The following GALNT2 variants were observed in gnomAD, a reference collection of about 807,000 sequenced individuals.
The protein encoded by GALNT2 is UDP-GalNAc:polypeptide N-acetylgalactosaminyltransferase 2.
A neutral mutation model predicts 81.4 loss-of-function variants in GALNT2; 31 were observed. The ratio of observed to expected loss-of-function variants is 0.38; its 90% CI spans 0.29 to 0.51. The LOEUF (loss-of-function observed/expected upper bound fraction) is 0.51. GALNT2 is among the 20% of genes least tolerant of loss of function. The pLI is 0.87. For missense variants in GALNT2, 629 were observed against 765.7 expected, an observed-to-expected ratio of 0.82 and a Z score of 2.11; for synonymous variants, 303 against 287.4, an observed-to-expected ratio of 1.05 and a Z score of -0.55.
At chr1:230,200,352 T>C (rs1237930080) in intron 2 of GALNT2, among the ~76,000 whole-genome samples, 1 of 152,184 alleles carries the variant, frequency 6.6e-6, no homozygotes, top group South Asian at 2.1e-4. Context: ...CGTGAGCCAG[T>C]GCGCCCGGCC....
rs114554096 is a variant in GALNT2, at chr1:230,218,163, G to T, written c.374+14873G>T. Among the ~76,000 whole-genome samples the T allele has an allele frequency of 2.8e-3, 420 of 152,348 alleles. 4 individuals carry two copies. The highest frequency in any genetic ancestry group is 9.8e-3 in the African/African-American group (407 of 41,582). On this transcript the variant is annotated intron_variant, in intron 3 of 15. Coordinates refer to ENST00000366672, the MANE Select transcript of GALNT2 (RefSeq NM_004481.5). Reference sequence around the variant, plus strand: ...ACAGGGGACTAACAATGGAGGTGGTGAGAGGTGGTTGGATTCTGGATGCCT... The same window carrying T: ...ACAGGGGACTAACAATGGAGGTGGTTAGAGGTGGTTGGATTCTGGATGCCT...
intron 1 of GALNT2, among the ~76,000 whole-genome samples, chr1:230,173,990 T>C (rs921631428): frequency 6.6e-6 from 1 of 152,150 alleles, no homozygotes; most frequent in African/African-American, 2.4e-5. Context: ...AGAAGGAATA[T>C]GACAGCTTTC....
At chr1:230,234,201 T>C (rs1035461276) in intron 3 of GALNT2, among the ~76,000 whole-genome samples, 14 of 151,972 alleles carry the variant, frequency 9.2e-5, no homozygotes, top group African/African-American at 3.1e-4. Context: ...CAATTGCACA[T>C]CTTCTGGATG....
intron 1 of GALNT2, among the ~76,000 whole-genome samples, chr1:230,060,387 C>T (rs1355875536): frequency 1.3e-5 from 2 of 152,278 alleles, no homozygotes; most frequent in African/African-American, 4.8e-5. Context: ...AATACAAAAA[C>T]CATGATGCTG....
chr1:230,249,742 C>T (rs1665485122), intron 9 of GALNT2, among the ~76,000 whole-genome samples: 1 of 152,180 alleles, frequency 6.6e-6, no homozygotes, highest in South Asian at 2.1e-4. Context: ...GATGCCTTCT[C>T]TAGCTGGGGA....
At chr1:230,065,244 T>A (rs1374988965), upstream of GALNT2, among the ~76,000 whole-genome samples, 1 of 152,220 alleles carries the variant, frequency 6.6e-6, no homozygotes, top group Non-Finnish European at 1.5e-5. Flanking sequence ...TTCTTCAGTG[T>A]CCTTTTACAT....
chr1:230,136,579 T>A (rs1572005210), intron 1 of GALNT2, among the ~76,000 whole-genome samples: 1 of 152,228 alleles, frequency 6.6e-6, no homozygotes, highest in African/African-American at 2.4e-5. Flanking sequence ...CCAGCCCTAA[T>A]GAGGGAGGCG....
At chr1:230,059,578 G>A (rs1658995285) in intron 1 of GALNT2, among the ~76,000 whole-genome samples, 1 of 152,152 alleles carries the variant, frequency 6.6e-6, no homozygotes, top group Non-Finnish European at 1.5e-5. Context: ...TAGACGCTTG[G>A]GCTGTGGGGT....
intron 1 of GALNT2, among the ~76,000 whole-genome samples, chr1:230,141,681 A>G (rs1448106418): frequency 6.6e-6 from 1 of 151,764 alleles, no homozygotes; most frequent in Non-Finnish European, 1.5e-5. Flanking sequence ...TTGTTGATCT[A>G]GTCACCCATT....
intron 1 of GALNT2, among the ~76,000 whole-genome samples, chr1:230,147,245 T>A (rs943473025): frequency 1.3e-5 from 2 of 152,244 alleles, no homozygotes; most frequent in Non-Finnish European, 2.9e-5. Context: ...TTCCAAGATG[T>A]TGTCCCTGGA....
chr1:230,234,665 G>T (rs1664969805), intron 3 of GALNT2, among the ~76,000 whole-genome samples: 1 of 152,162 alleles, frequency 6.6e-6, no homozygotes, highest in Admixed American at 6.5e-5. Flanking sequence ...TACCAATTTA[G>T]TAACTCTGAA....
At chr1:230,143,362 G>C (rs957909838) in intron 1 of GALNT2, among the ~76,000 whole-genome samples, 5 of 152,226 alleles carry the variant, frequency 3.3e-5, no homozygotes, top group African/African-American at 1.2e-4. Flanking sequence ...CAGCTGCTAG[G>C]AATGAAATGC....
chr1:230,140,577 C>G (rs1366045658), intron 1 of GALNT2, among the ~76,000 whole-genome samples: 1 of 152,092 alleles, frequency 6.6e-6, no homozygotes, highest in Admixed American at 6.5e-5. Context: ...GGGAAACTTC[C>G]CCCTTCCTCC....
chr1:230,281,583 A>G lies in GALNT2; in HGVS notation c.*2125A>G, dbSNP rs3811484. 0.086 allele frequency: 13,074 copies of G among 151,174 alleles called. 1,020 individuals carry two copies. Among genetic ancestry groups the G allele is most frequent in the African/African-American group, 0.21 (8,581 of 41,068 alleles). 9.4% of individuals were successfully genotyped at this position (151,174 alleles called of 1,614,324 possible). ...ACGAATCCTTTGCCCCTTCACCTTT[A>G]CCCCGCCCGCACCCCTAGGCCCTCT... On this transcript the variant is annotated 3_prime_UTR_variant, in exon 16 of 16. Coordinates refer to ENST00000366672, the MANE Select transcript of GALNT2 (RefSeq NM_004481.5).
rs77758989 is a variant in GALNT2 at position 230,229,818 on chromosome 1, G to C, written c.375-6196G>C. ...GCACAGTGCCATCCCTGCAAACTTC[G>C]AATAGGTGCAGAAAAATGCTTGGTA... On this transcript the variant is annotated intron_variant, in intron 3 of 15. Coordinates refer to ENST00000366672, the MANE Select transcript of GALNT2 (RefSeq NM_004481.5). 3.5e-3 allele frequency among the ~76,000 whole-genome samples: 535 copies of C among 152,244 alleles called. 4 individuals carry two copies. Among genetic ancestry groups the C allele is most frequent in the African/African-American group, 0.012 (495 of 41,536 alleles).
At chr1:230,192,881 C>G (rs6541303) in intron 2 of GALNT2, among the ~76,000 whole-genome samples, 83,678 of 152,118 alleles carry the variant, frequency 0.55, 25,872 homozygotes, top group East Asian at 0.9. Flanking sequence ...TGTGATACCA[C>G]ATATCCAGTG....
chr1:230,246,261 G>T (rs1572133008), intron 8 of GALNT2, 111 bp downstream of exon 8: 2 of 855,596 alleles, frequency 2.3e-6, no homozygotes, highest in African/African-American at 3.3e-5. Flanking sequence ...TCACGCCGTA[G>T]TGTGTGTTCT....
At chr1:230,195,494 G>A (rs1377978510) in intron 2 of GALNT2, among the ~76,000 whole-genome samples, 1 of 152,156 alleles carries the variant, frequency 6.6e-6, no homozygotes, top group Non-Finnish European at 1.5e-5. Context: ...CCCAGGGAGG[G>A]CTCCTGGAGG....
intron 2 of GALNT2, among the ~76,000 whole-genome samples, chr1:230,184,043 A>G (rs1370582101): frequency 6.6e-6 from 1 of 151,384 alleles, no homozygotes; most frequent in Non-Finnish European, 1.5e-5. Context: ...TCCTTTCTTC[A>G]TGTAGATCCA....
Sources: allele counts gnomAD v4.1 joint callset (sites outside exome capture counted in the v4.1 genomes callset), GRCh38; gene constraint gnomAD v4.1.1; transcripts MANE v1.5; gene names NCBI Gene and HGNC (gene_info 2026-07-23, HGNC 2026-07-21).